CFAP221: variants seen among roughly 807,000 people sequenced by gnomAD.
The protein encoded by CFAP221 is cilia and flagella associated protein 221, also known as cilia- and flagella-associated protein 221.
Under a neutral mutation model 113.1 loss-of-function variants are expected in CFAP221, and 97 were observed. The observed-to-expected ratio is 0.86, with a 90% CI of 0.73 to 1.02. CFAP221 has a LOEUF of 1.02. CFAP221 is among the 50% of genes least tolerant of loss of function. The pLI is 0.00. For missense variants in CFAP221, 1,025 were observed against 1,013.4 expected (o/e 1.01, Z -0.16); for synonymous variants, 331 against 354.4 (o/e 0.93, Z 0.74).
At chr2:119,624,372 A>G (rs1442426991) in intron 14 of CFAP221, among the ~76,000 whole-genome samples, 1 of 152,234 alleles carries the variant, frequency 6.6e-6, no homozygotes, top group South Asian at 2.1e-4. Context: ...GGGAAACAAC[A>G]GATGCTGGAG....
At chr2:119,627,819 G>T (rs755597724) in intron 16 of CFAP221, 33 bp downstream of exon 16, 1 of 1,611,244 alleles carries the variant, frequency 6.2e-7, no homozygotes, top group Non-Finnish European at 8.5e-7. Flanking sequence ...GCGGGGAGTG[G>T]ACATGATCAT....
intron 6 of CFAP221, among the ~76,000 whole-genome samples, chr2:119,583,572 C>G (rs1682996095): frequency 6.6e-6 from 1 of 152,072 alleles, no homozygotes; most frequent in African/African-American, 2.4e-5. Context: ...CCAAAAGTAG[C>G]ATTGCAATAC....
chr2:119,653,468 A>G, intron 23 of CFAP221, among the ~76,000 whole-genome samples: 1 of 152,354 alleles, frequency 6.6e-6, no homozygotes, highest in South Asian at 2.1e-4. Flanking sequence ...CTGCACTTTT[A>G]TTTAACAACA....
chr2:119,652,085 T>A lies in CFAP221; in HGVS notation c.2414+16T>A. On this transcript the variant is annotated intron_variant, in intron 23 of 23. Transcript: ENST00000413369. ...GGAAGGAGAAGTAAGTGGATGCTTT[T>A]ATGCCTTATTAAAAGGTAATCTTGG... 6.3e-7 allele frequency: 1 copy of A among 1,579,100 alleles called. No homozygotes were observed. The highest frequency in any genetic ancestry group is 2.2e-5 in the East Asian group (1 of 44,582).
intron 6 of CFAP221, among the ~76,000 whole-genome samples, chr2:119,585,831 T>A (rs1211789579): frequency 6.6e-6 from 1 of 152,202 alleles, no homozygotes; most frequent in Non-Finnish European, 1.5e-5. Flanking sequence ...GACTTGGTCT[T>A]TGCCTTCATA....
chr2:119,611,955 T>C lies in CFAP221; in HGVS notation c.1311+213T>C, dbSNP rs10183248. 3.1e-3 allele frequency among the ~76,000 whole-genome samples: 472 copies of C among 152,356 alleles called. 2 individuals are homozygous for C. Among genetic ancestry groups the C allele is most frequent in the African/African-American group, 0.011 (448 of 41,584 alleles). On this transcript the variant is annotated intron_variant, in intron 13 of 23. Transcript: ENST00000413369. ...TCTTGAAATGAACAGCACTACATAC[T>C]TTGGCCACTCCTTTTCATCCCACTA...
At chr2:119,572,674 T>A (rs1682152892) in intron 6 of CFAP221, 5 of 640,012 alleles carry the variant, frequency 7.8e-6, no homozygotes, top group Admixed American at 6.6e-5. Flanking sequence ...TAGCGTGCTC[T>A]AGACAAACCT....
intron 6 of CFAP221, among the ~76,000 whole-genome samples, chr2:119,579,673 T>C (rs892206213): frequency 6.6e-6 from 1 of 152,232 alleles, no homozygotes; most frequent in African/African-American, 2.4e-5. Context: ...CCAGACTGGC[T>C]AATGCATCAG....
chr2:119,547,896 G>C (rs1328735906), intron 2 of CFAP221, among the ~76,000 whole-genome samples: 1 of 152,210 alleles, frequency 6.6e-6, no homozygotes, highest in Non-Finnish European at 1.5e-5. Flanking sequence ...AAGAAGGTGG[G>C]CAGTACATTC....
intron 6 of CFAP221, among the ~76,000 whole-genome samples, chr2:119,584,823 C>G (rs562379755): frequency 6.6e-6 from 1 of 152,300 alleles, no homozygotes; most frequent in South Asian, 2.1e-4. Context: ...GCAATAGAAA[C>G]TCTCCTATTC....
chr2:119,649,385 T>C (rs962113217), intron 22 of CFAP221, among the ~76,000 whole-genome samples: 13 of 152,210 alleles, frequency 8.5e-5, no homozygotes, highest in African/African-American at 2.7e-4. Flanking sequence ...ATGATGGGTC[T>C]AATGGGACCT....
At chr2:119,561,837 A>G (rs955713562) in intron 5 of CFAP221, among the ~76,000 whole-genome samples, 177 bp from the exon 6 acceptor site, 10 of 152,176 alleles carry the variant, frequency 6.6e-5, no homozygotes, top group Non-Finnish European at 1.5e-4. Context: ...AAAATTTTCT[A>G]CGCTTTGTTT....
At chr2:119,562,798 T>C (rs1482582762) in intron 6 of CFAP221, among the ~76,000 whole-genome samples, 1 of 152,200 alleles carries the variant, frequency 6.6e-6, no homozygotes, top group Non-Finnish European at 1.5e-5. Flanking sequence ...TCAATATCCA[T>C]AGAGGATTGA....
intron 7 of CFAP221, among the ~76,000 whole-genome samples, chr2:119,595,054 G>A (rs1179716926): frequency 2.6e-5 from 4 of 152,198 alleles, no homozygotes; most frequent in East Asian, 1.9e-4. Context: ...CAGTGGTCAC[G>A]ACTCTCCTCC....
intron 3 of CFAP221, among the ~76,000 whole-genome samples, chr2:119,556,556 C>CTT (rs1199595376): frequency 7.2e-5 from 10 of 138,502 alleles, no homozygotes; most frequent in African/African-American, 2.4e-4. Context: ...AATTTTTTTT[C>CTT]TTTTTTTTTT....
downstream of CFAP221, chr2:119,656,666 G>A (rs576596741): frequency 9.2e-5 from 38 of 411,896 alleles, no homozygotes; most frequent in Admixed American, 2.3e-4. Flanking sequence ...TGATGACAGC[G>A]TTGTTAGCTT....
intron 15 of CFAP221, among the ~76,000 whole-genome samples, chr2:119,626,081 C>T (rs1686290201): frequency 6.6e-6 from 1 of 152,202 alleles, no homozygotes; most frequent in Non-Finnish European, 1.5e-5. Context: ...GTTGCCTTTT[C>T]CAGCTCCTGG....
intron 7 of CFAP221, among the ~76,000 whole-genome samples, chr2:119,597,658 C>A (rs995112850): frequency 6.6e-6 from 1 of 152,106 alleles, no homozygotes. Context: ...AGAAATTTAC[C>A]GAAAAACGAA....
downstream of CFAP221, among the ~76,000 whole-genome samples, chr2:119,658,699 GGC>G (rs1440001895): frequency 4.6e-5 from 7 of 151,992 alleles, no homozygotes; most frequent in South Asian, 2.1e-4. Flanking sequence ...CATGAATTAT[GGC>G]CAGGCGTGGT....
Sources: gnomAD v4.1 joint callset for allele counts (sites outside exome capture counted in the v4.1 genomes callset) on GRCh38, gnomAD v4.1.1 for gene constraint, MANE v1.5 for transcripts, NCBI Gene and HGNC (gene_info 2026-07-23, HGNC 2026-07-21) for gene names.